The following PIF1 variants were observed in gnomAD, a reference collection of about 807,000 sequenced individuals.
PIF1 encodes the protein ATP-dependent DNA helicase PIF1.
In PIF1, 67 loss-of-function variants were observed where a neutral mutation model predicts 62.3. The observed-to-expected ratio is 1.08, with a 90% CI of 0.88 to 1.32. The LOEUF (loss-of-function observed/expected upper bound fraction) is 1.32. PIF1 is among the 40% of genes most tolerant of loss of function. PIF1 has a pLI of 0.00. For missense variants in PIF1, 886 were observed against 866.1 expected (o/e 1.02, Z -0.29); for synonymous variants, 364 against 379.5 (o/e 0.96, Z 0.47).
At chr15:64,826,633 T>TAA (rs2084370977), upstream of PIF1, among the ~76,000 whole-genome samples, 2 of 16,506 alleles carry the variant, frequency 1.2e-4, no homozygotes, top group Non-Finnish European at 3.3e-4. Flanking sequence ...TTTATATATA[T>TAA]ATATATATAT....
chr15:64,817,878 C>T, intron 11 of PIF1, 68 bp downstream of exon 11: 2 of 1,518,986 alleles, frequency 1.3e-6, no homozygotes, highest in Non-Finnish European at 8.9e-7. Context: ...AAAAAAAAGA[C>T]ACATAGACTG....
intron 10 of PIF1, 82 bp from the exon 11 acceptor site, chr15:64,818,173 TC>T: frequency 6.2e-7 from 1 of 1,611,424 alleles, no homozygotes; most frequent in Non-Finnish European, 8.5e-7. Context: ...GAGCTTTCCT[TC>T]CTAGTCTTTT....
upstream of PIF1, among the ~76,000 whole-genome samples, chr15:64,826,665 T>TACACACACAC (rs796586375): frequency 4.2e-4 from 18 of 42,800 alleles, no homozygotes; most frequent in East Asian, 1.0e-3. Flanking sequence ...TATATATATA[T>TACACACACAC]ACACACACAC....
At chr15:64,821,656 G>A (rs1045822398) in intron 4 of PIF1, 136 bp from the exon 5 acceptor site, 30 of 992,124 alleles carry the variant, frequency 3.0e-5, no homozygotes, top group Non-Finnish European at 3.7e-5. Context: ...ACTGTAACCT[G>A]GGCCTCATGG....
Position 64,821,214 on chromosome 15 carries a change from G to C in PIF1, c.1039C>G (p.Leu347Val). ...TGGGAGCCCTTGGTCACAGGTGGCA[G>C]CTGCAGAAAGTCCCCACAGATGATG... is the stretch of plus-strand genomic sequence containing the variant. ...QLIICGDFLQ[L>V]PPVTKGSQPP... The change falls in exon 6 of 13, where the codon CTG becomes GTG. Residue 347 changes from leucine (L) to valine (V), a missense_variant. Coordinates refer to ENST00000559239, the MANE Select transcript of PIF1 (RefSeq NM_001286496.2). The C allele has an allele frequency of 6.2e-7, 1 of 1,614,248 alleles. No individual in the cohort carries two copies. Among genetic ancestry groups the C allele is most frequent in the Non-Finnish European group, 8.5e-7 (1 of 1,180,046 alleles).
At chr15:64,816,462 C>T in intron 12 of PIF1, 105 bp from the exon 13 acceptor site, 2 of 1,592,930 alleles carry the variant, frequency 1.3e-6, no homozygotes, top group Non-Finnish European at 8.6e-7. Context: ...CTAAAGGAGC[C>T]AGCAGAGGGC....
intron 11 of PIF1, among the ~76,000 whole-genome samples, chr15:64,817,555 C>A (rs7495107): frequency 0.41 from 61,321 of 149,416 alleles, 13,335 homozygotes; most frequent in Non-Finnish European, 0.48. Flanking sequence ...CTAAACTAAA[C>A]TAAAATAAAA....
intron 2 of PIF1, among the ~76,000 whole-genome samples, chr15:64,822,932 T>C (rs1049894987): frequency 1.3e-5 from 2 of 152,028 alleles, no homozygotes; most frequent in Non-Finnish European, 2.9e-5. Context: ...AAGTTTCTCT[T>C]CCTATCACAA....
At chr15:64,825,319 AC>A (rs1349221540) in intron 1 of PIF1, among the ~76,000 whole-genome samples, 3 of 152,142 alleles carry the variant, frequency 2.0e-5, no homozygotes, top group Admixed American at 2.0e-4. Flanking sequence ...CCGTGTACAG[AC>A]GTGGAAACAG....
upstream of PIF1, among the ~76,000 whole-genome samples, chr15:64,826,954 G>A (rs1302130905): frequency 6.6e-6 from 1 of 151,708 alleles, no homozygotes; most frequent in African/African-American, 2.4e-5. Flanking sequence ...GATATGGAGA[G>A]CAAAACCAAA....
chr15:64,818,005 G>A lies in PIF1; in HGVS notation c.1615C>T (p.Leu539Phe). ...TGGAGGGGCAGCTGCTGCCGACTGA[G>A]GAGCTGGCCCCCGGTGGCCTGCACC... is the stretch of plus-strand genomic sequence containing the variant. Reference protein sequence around the residue: ...WTVQATGGQLLSRQQLPLQLA... With the variant: ...WTVQATGGQLFSRQQLPLQLA... The change falls in exon 11 of 13, where the codon CTC (leucine) becomes TTC (phenylalanine). Residue 539 changes from leucine (L) to phenylalanine (F), a missense_variant. Coordinates refer to ENST00000559239, the MANE Select transcript of PIF1 (RefSeq NM_001286496.2). 6.2e-7 allele frequency: 1 copy of A among 1,613,526 alleles called. No individual in the cohort carries two copies. Among genetic ancestry groups the A allele is most frequent in the Non-Finnish European group, 8.5e-7 (1 of 1,179,826 alleles).
chr15:64,816,689 CG>C lies in PIF1; in HGVS notation c.1750del (p.Arg584GlyfsTer87). The C allele has an allele frequency of 6.2e-7, 1 of 1,613,638 alleles. No homozygotes were observed. The highest frequency in any genetic ancestry group is 8.5e-7 in the Non-Finnish European group (1 of 1,179,932). On this transcript the variant is annotated frameshift_variant, in exon 12 of 13. Transcript: ENST00000559239. LOFTEE classifies it high-confidence loss of function. ...ASGQAYVALSRARSLQGLRVL... is the reference protein window; with the variant it reads ...ASGQAYVALSXARSLQGLRVL... ...ACGTAGGCCCTGCAGGCTGCGGGCC[CG>C]AGAAAGGGCCACATAGGCCTGGCCA...
chr15:64,824,041 C>A lies in PIF1; in HGVS notation c.295G>T (p.Gly99Cys), dbSNP rs1471078620. The A allele has an allele frequency of 1.5e-5, 19 of 1,269,398 alleles. No individual in the cohort carries two copies. Among genetic ancestry groups the A allele is most frequent in the Non-Finnish European group, 1.9e-5 (19 of 1,009,020 alleles). The allele number at this position is 1,269,398 out of a possible 1,614,324, so 78.6% of individuals were successfully genotyped here. A position where few individuals can be genotyped will look rare whatever the true frequency, so the allele number is the denominator to read the frequency against. Residue 99 changes from glycine (G) to cysteine (C), a missense_variant, in exon 2 of 13, where the codon GGC (glycine) becomes TGC (cysteine). Coordinates refer to ENST00000559239, the MANE Select transcript of PIF1 (RefSeq NM_001286496.2). Reference protein sequence around the residue: ...RLPAHDTPGAGAVQLLLSDCP... With the variant: ...RLPAHDTPGACAVQLLLSDCP... ...TCCGAGAGCAGCAGCTGCACTGCGCCGGCCCCGGGGGTGTCGTGGGCGGGG... is the reference window on the plus strand; with the variant it reads ...TCCGAGAGCAGCAGCTGCACTGCGCAGGCCCCGGGGGTGTCGTGGGCGGGG...
chr15:64,818,553 A>G (rs1360022887), intron 9 of PIF1: 2 of 567,042 alleles, frequency 3.5e-6, no homozygotes, highest in Non-Finnish European at 6.3e-6. Flanking sequence ...AAAGAGGAAT[A>G]ATATTTGCTC....
At chr15:64,820,114 G>C (rs912072038) in intron 7 of PIF1, 128 bp from the exon 8 acceptor site, 9 of 1,212,252 alleles carry the variant, frequency 7.4e-6, no homozygotes, top group Non-Finnish European at 1.0e-5. Context: ...CCAGGGAAGA[G>C]TTGCTGCCCC....
At position 64,818,018 on chromosome 15, in the gene PIF1, G is replaced by A. The variant is rs148690720; in HGVS notation, c.1602C>T (p.Thr534=). The change falls in exon 11 of 13, where the codon ACC becomes ACT. Residue 534 remains threonine (T), a synonymous_variant. Transcript: ENST00000559239. Reference sequence around the variant, plus strand: ...GCTGCCGACTGAGGAGCTGGCCCCCGGTGGCCTGCACCGTCCAGCGGTCAG... The same window carrying A: ...GCTGCCGACTGAGGAGCTGGCCCCCAGTGGCCTGCACCGTCCAGCGGTCAG... The part of the protein sequence containing the change: ...IHADRWTVQA[T]GGQLLSRQQL... The A allele has an allele frequency of 3.6e-3, 5,786 of 1,613,470 alleles. 30 individuals are homozygous for A. Among genetic ancestry groups the A allele is most frequent in the Middle Eastern group, 0.012 (75 of 6,054 alleles).
chr15:64,825,053 A>G (rs552680799), intron 1 of PIF1, among the ~76,000 whole-genome samples: 1 of 151,776 alleles, frequency 6.6e-6, no homozygotes, highest in South Asian at 2.1e-4. Flanking sequence ...AACAATTTCC[A>G]GAGCGGCGGA....
chr15:64,818,410 G>T, intron 9 of PIF1, 66 bp from the exon 10 acceptor site: 1 of 1,481,744 alleles, frequency 6.7e-7, no homozygotes. Flanking sequence ...CTTCGCCATG[G>T]CTGTTCTCAG....
chr15:64,824,084 C>A lies in PIF1; in HGVS notation c.252G>T (p.Gly84=), dbSNP rs953717130. The A allele has an allele frequency of 3.2e-6, 4 of 1,268,110 alleles. No individual in the cohort carries two copies. Among genetic ancestry groups the A allele is most frequent in the Non-Finnish European group, 4.0e-6 (4 of 1,008,386 alleles). 78.6% of individuals were successfully genotyped at this position (1,268,110 alleles called of 1,614,324 possible). The change falls in exon 2 of 13, where the codon GGG becomes GGT. Residue 84 remains glycine (G), a synonymous_variant. Coordinates refer to ENST00000559239, the MANE Select transcript of PIF1 (RefSeq NM_001286496.2). ...ARLFTRFAEA[G]RSTLRLPAHD... ...GGGCGGGGAGCCGCAGGGTGCTGCG[C>A]CCGGCCTCGGCGAAACGCGTGAAGA...
Sources: allele counts gnomAD v4.1 joint callset (sites outside exome capture counted in the v4.1 genomes callset), GRCh38; gene constraint gnomAD v4.1.1; transcripts MANE v1.5; gene names NCBI Gene and HGNC (gene_info 2026-07-23, HGNC 2026-07-21).